KCND3: variants seen among roughly 807,000 people sequenced by gnomAD.
The protein encoded by KCND3 is potassium voltage-gated channel subfamily D member 3, also known as A-type voltage-gated potassium channel KCND3.
A neutral mutation model predicts 51.1 loss-of-function variants in KCND3; 9 were observed. The ratio of observed to expected loss-of-function variants is 0.18; its 90% CI spans 0.11 to 0.31. The LOEUF is 0.31. Ranked by LOEUF, KCND3 falls within the 10% of genes least tolerant of loss-of-function variation. KCND3 has a pLI of 1.00. For synonymous variants in KCND3, 349 were observed against 368.0 expected (o/e 0.95, Z 0.59); for missense variants, 526 against 903.8 (o/e 0.58, Z 5.36).
At chr1:111,868,869 C>G (rs745367319) in intron 2 of KCND3, among the ~76,000 whole-genome samples, 2 of 152,224 alleles carry the variant, frequency 1.3e-5, no homozygotes, top group Middle Eastern at 3.4e-3. Context: ...CTCTGTCTCC[C>G]GAGTAGCCGG....
intron 2 of KCND3, among the ~76,000 whole-genome samples, chr1:111,887,049 A>T (rs1348820673): frequency 6.6e-6 from 1 of 152,178 alleles, no homozygotes; most frequent in Non-Finnish European, 1.5e-5. Context: ...AGTGAGGCAT[A>T]CGGAGAGAGA....
rs933677816 is a variant in KCND3, at chr1:111,814,386, A to T, written c.1107-27280T>A. Among the ~76,000 whole-genome samples, 4 of 152,212 alleles carry T rather than the reference A, an allele frequency of 2.6e-5. No individual in the cohort carries two copies. The East Asian group carries it at 7.7e-4, about 29-fold the overall frequency. ...GGGGACATCTGTGAAAGCACTGTGG[A>T]TTCTACGCCGTGAGAAGAGGAAACA... On this transcript the variant is annotated intron_variant, in intron 2 of 7. Coordinates refer to ENST00000302127, the MANE Select transcript of KCND3 (RefSeq NM_001378969.1).
At chr1:111,867,400 T>C (rs888597496) in intron 2 of KCND3, among the ~76,000 whole-genome samples, 1 of 152,214 alleles carries the variant, frequency 6.6e-6, no homozygotes, top group Non-Finnish European at 1.5e-5. Context: ...CTCTCTTGGA[T>C]TGATTTCTAT....
At chr1:111,855,773 A>C (rs1169081160) in intron 2 of KCND3, among the ~76,000 whole-genome samples, 1 of 152,182 alleles carries the variant, frequency 6.6e-6, no homozygotes, top group African/African-American at 2.4e-5. Context: ...GGCTGCCTAC[A>C]GAGATGTGGG....
At chr1:111,854,702 C>T (rs1571744889) in intron 2 of KCND3, among the ~76,000 whole-genome samples, 1 of 152,306 alleles carries the variant, frequency 6.6e-6, no homozygotes, top group East Asian at 1.9e-4. Flanking sequence ...TAAAATATCT[C>T]CCACATTTGC....
intron 2 of KCND3, among the ~76,000 whole-genome samples, chr1:111,939,751 T>C (rs1324265453): frequency 6.6e-6 from 1 of 152,254 alleles, no homozygotes; most frequent in Non-Finnish European, 1.5e-5. Context: ...AGTAATGGGA[T>C]TGCTGGGTCA....
At chr1:111,784,592 A>G (rs760755594) in intron 3 of KCND3, among the ~76,000 whole-genome samples, 2 of 152,164 alleles carry the variant, frequency 1.3e-5, no homozygotes, top group African/African-American at 4.8e-5. Context: ...GAGAACTATC[A>G]TTAGTTTCCT....
In KCND3 at chr1:111,982,842, G is replaced by C. The variant is rs968394544; in HGVS notation, c.-72-44C>G. The stretch of plus-strand genomic sequence containing the variant: ...GAGAGAGAAGCGGTGAGTCCATATC[G>C]ACTGGCAGGTAAGAAATGGGACACA... On this transcript the variant is annotated intron_variant, in intron 1 of 7. Coordinates refer to ENST00000302127, the MANE Select transcript of KCND3 (RefSeq NM_001378969.1). This position sits in a 1 kb window ranked among gnomAD's most constrained non-coding sequence, Gnocchi z 8.5. 2 of 1,389,250 alleles carry C rather than the reference G, an allele frequency of 1.4e-6. No individual in the cohort carries two copies. The highest frequency in any genetic ancestry group is 1.4e-5 in the African/African-American group (1 of 70,258). The allele number at this position is 1,389,250 out of a possible 1,614,324, so 86.1% of individuals were successfully genotyped here. A position where few individuals can be genotyped will look rare whatever the true frequency, so the allele number is the denominator to read the frequency against.
At chr1:111,852,160 T>C (rs1667846899) in intron 2 of KCND3, among the ~76,000 whole-genome samples, 1 of 152,250 alleles carries the variant, frequency 6.6e-6, no homozygotes, top group African/African-American at 2.4e-5. Context: ...GCCTACTATG[T>C]CTAAGTCCCT....
At chr1:111,846,136 T>C in intron 2 of KCND3, among the ~76,000 whole-genome samples, 1 of 152,230 alleles carries the variant, frequency 6.6e-6, no homozygotes, top group East Asian at 1.9e-4. Context: ...ACTGGGATTG[T>C]CTGTGAGTGA....
chr1:111,927,374 T>G (rs142117077), intron 2 of KCND3, among the ~76,000 whole-genome samples: 245 of 152,344 alleles, frequency 1.6e-3, no homozygotes, highest in African/African-American at 5.8e-3. Context: ...GGGCACATCA[T>G]TTTCTCATCC....
intron 2 of KCND3, among the ~76,000 whole-genome samples, chr1:111,866,579 AACACACACACACACAC>A (rs771342858): frequency 3.2e-5 from 4 of 126,744 alleles, no homozygotes; most frequent in African/African-American, 1.2e-4. Context: ...TGTTTCTTTA[AACACACACACACACAC>A]ACACACACAC....
chr1:111,809,613 A>T (rs746664021), intron 2 of KCND3, among the ~76,000 whole-genome samples: 1 of 151,676 alleles, frequency 6.6e-6, no homozygotes, highest in South Asian at 2.1e-4. Flanking sequence ...CAGCCAGAAG[A>T]TTATTTTTCT....
At chr1:111,959,496 C>T (rs1277450015) in intron 2 of KCND3, among the ~76,000 whole-genome samples, 1 of 152,178 alleles carries the variant, frequency 6.6e-6, no homozygotes, top group Non-Finnish European at 1.5e-5. Flanking sequence ...GGTCTCTCTC[C>T]TTCCTAAAGG....
chr1:111,819,086 C>A (rs1277412697), intron 2 of KCND3, among the ~76,000 whole-genome samples: 1 of 152,146 alleles, frequency 6.6e-6, no homozygotes, highest in Non-Finnish European at 1.5e-5. Context: ...TTTGAACCCA[C>A]CCAGGCCTTC....
At chr1:111,975,695 C>A (rs976223740) in intron 2 of KCND3, among the ~76,000 whole-genome samples, 1 of 152,208 alleles carries the variant, frequency 6.6e-6, no homozygotes, top group African/African-American at 2.4e-5. Context: ...TCATGAGGAC[C>A]CTACATGAGC....
intron 2 of KCND3, among the ~76,000 whole-genome samples, chr1:111,831,429 G>A (rs1323639290): frequency 2.0e-5 from 3 of 152,104 alleles, no homozygotes; most frequent in African/African-American, 4.8e-5. Flanking sequence ...TCTTCCTCCT[G>A]CTCCCACCAT....
At position 111,771,080 on chromosome 1, in the gene KCND3, C is replaced by A. The variant is rs1253319984; in HGVS notation, c.*4997G>T. The A allele has an allele frequency of 6.6e-6, 1 of 152,134 alleles. No individual in the cohort carries two copies. The highest frequency in any genetic ancestry group is 2.1e-4 in the South Asian group (1 of 4,826). The allele number at this position is 152,134 out of a possible 1,614,324, so 9.4% of individuals were successfully genotyped here. The stretch of plus-strand genomic sequence containing the variant: ...ATAGTCCATTGGTCCAAGGAGCCCC[C>A]CAGGACTTGGGTCAGTGCCGTACAC... On this transcript the variant is annotated 3_prime_UTR_variant, in exon 8 of 8. Transcript: ENST00000302127.
chr1:111,963,097 G>C (rs1673756578), intron 2 of KCND3, among the ~76,000 whole-genome samples: 1 of 152,184 alleles, frequency 6.6e-6, no homozygotes, highest in South Asian at 2.1e-4. Context: ...CCCATCCCCA[G>C]CTGGGTCTCC....
Sources: allele counts gnomAD v4.1 joint callset (sites outside exome capture counted in the v4.1 genomes callset), GRCh38; gene constraint gnomAD v4.1.1; non-coding constraint Gnocchi (gnomAD v3.1); transcripts MANE v1.5; gene names NCBI Gene and HGNC (gene_info 2026-07-23, HGNC 2026-07-21).